The following RBFOX1 variants were observed in gnomAD, a reference collection of about 807,000 sequenced individuals.
RBFOX1 encodes RNA binding fox-1 homolog 1.
Under a neutral mutation model 57.7 loss-of-function variants are expected in RBFOX1, and 8 were observed. The ratio of observed to expected loss-of-function variants is 0.14; its 90% CI spans 0.08 to 0.25. The LOEUF is 0.25. RBFOX1 is among the 10% of genes least tolerant of loss of function. The probability of loss-of-function intolerance (pLI) is 1.00; values close to 1 mark genes in which losing one functional copy is unlikely to be tolerated. For missense variants in RBFOX1, 611 were observed against 548.5 expected, an observed-to-expected ratio of 1.11 and a Z score of -1.14; for synonymous variants, 326 against 222.4, an observed-to-expected ratio of 1.47 and a Z score of -4.15.
chr16:6,864,989 CTTTTTCTTTTTT>C (rs2059654790), intron 3 of RBFOX1, among the ~76,000 whole-genome samples: 5 of 105,800 alleles, frequency 4.7e-5, no homozygotes, highest in East Asian at 3.0e-4. Context: ...GTGGGTTTTT[CTTTTTCTTTTTT>C]TTTTTTTTTT....
chr16:6,001,429 C>T (rs921449407), intron 4 of RBFOX1, among the ~76,000 whole-genome samples: 2 of 152,142 alleles, frequency 1.3e-5, no homozygotes, highest in Admixed American at 6.5e-5. Flanking sequence ...CTTCCATGGG[C>T]CACACATACT....
At chr16:7,587,194 A>T in intron 6 of RBFOX1, 53 bp from the exon 7 acceptor site, 1 of 1,454,442 alleles carries the variant, frequency 6.9e-7, no homozygotes, top group East Asian at 2.5e-5. Flanking sequence ...TGTACATAGT[A>T]ATGTCTACTG....
At chr16:5,491,643 C>T (rs1346612121) in intron 2 of RBFOX1, among the ~76,000 whole-genome samples, 2 of 152,160 alleles carry the variant, frequency 1.3e-5, no homozygotes, top group Non-Finnish European at 2.9e-5. Context: ...TGTTCATGTG[C>T]CTTTCAAACG....
At chr16:7,409,295 C>G (rs763492795) in intron 4 of RBFOX1, among the ~76,000 whole-genome samples, 4 of 152,326 alleles carry the variant, frequency 2.6e-5, no homozygotes, top group African/African-American at 7.2e-5. Flanking sequence ...TAGCTTTGTT[C>G]TGAACCGTTC....
intron 2 of RBFOX1, among the ~76,000 whole-genome samples, chr16:5,592,324 A>G (rs1343827397): frequency 1.3e-5 from 2 of 151,694 alleles, no homozygotes; most frequent in South Asian, 2.1e-4. Flanking sequence ...ATACAATTAT[A>G]TATGCGCAGA....
At chr16:7,547,914 G>A (rs1302421777) in intron 5 of RBFOX1, among the ~76,000 whole-genome samples, 2 of 152,166 alleles carry the variant, frequency 1.3e-5, no homozygotes, top group African/African-American at 4.8e-5. Flanking sequence ...CCGTGTTCCC[G>A]TTTGGCTTTG....
At chr16:7,199,222 G>C (rs2087620189) in intron 4 of RBFOX1, among the ~76,000 whole-genome samples, 1 of 152,164 alleles carries the variant, frequency 6.6e-6, no homozygotes, top group African/African-American at 2.4e-5. Context: ...GACATTTTAA[G>C]GAGCTAAGAG....
chr16:6,218,711 G>A (rs2097352184), intron 1 of RBFOX1, among the ~76,000 whole-genome samples: 1 of 152,136 alleles, frequency 6.6e-6, no homozygotes, highest in Non-Finnish European at 1.5e-5. Flanking sequence ...GAAAATTTGT[G>A]TCCGTGGAAT....
At chr16:5,513,825 C>T (rs2043692753) in intron 2 of RBFOX1, among the ~76,000 whole-genome samples, 1 of 152,000 alleles carries the variant, frequency 6.6e-6, no homozygotes, top group Non-Finnish European at 1.5e-5. Flanking sequence ...ATGTGATCAT[C>T]AGGGCTAGAA....
At chr16:7,680,498 G>A (rs556032883) in intron 14 of RBFOX1, among the ~76,000 whole-genome samples, 12 of 152,168 alleles carry the variant, frequency 7.9e-5, no homozygotes, top group East Asian at 3.9e-4. Context: ...GCCTAGAGAC[G>A]GAAGCAAGAC....
chr16:6,610,521 G>C (rs986467272), intron 2 of RBFOX1, among the ~76,000 whole-genome samples: 1 of 151,946 alleles, frequency 6.6e-6, no homozygotes, highest in Non-Finnish European at 1.5e-5. Flanking sequence ...GTAGAGATGA[G>C]GACTCCCTTT....
rs1271872183 is a variant in RBFOX1 at position 6,991,161 on chromosome 16, A to AAAAAAAAAAAC, written c.-15-60895_-15-60894insAAAAAAAAACA. Among the ~76,000 whole-genome samples, 141 of 139,970 alleles carry AAAAAAAAAAAC rather than the reference A, an allele frequency of 1.0e-3. 11 individuals are homozygous for AAAAAAAAAAAC. The highest frequency in any genetic ancestry group is 2.7e-3 in the East Asian group (12 of 4,424). The allele number at this position is 139,970 out of a possible 152,430, so 91.8% of individuals were successfully genotyped here. On this transcript the variant is annotated intron_variant, in intron 3 of 15. Coordinates refer to ENST00000550418, the MANE Select transcript of RBFOX1 (RefSeq NM_018723.4). ...CAAAAAAAAAAAAAAAAAAAAAAAA[A>AAAAAAAAAAAC]AGACACGGTGGCGTGTACCTTTAGT...
chr16:6,231,951 A>G (rs2097464770), intron 1 of RBFOX1, among the ~76,000 whole-genome samples: 1 of 152,102 alleles, frequency 6.6e-6, no homozygotes, highest in Non-Finnish European at 1.5e-5. Context: ...AAAGGGATCA[A>G]ATAAAGCAAA....
At chr16:6,891,465 T>TAGAGAGAGAGAGAGAG (rs746798605) in intron 3 of RBFOX1, among the ~76,000 whole-genome samples, 4 of 148,452 alleles carry the variant, frequency 2.7e-5, no homozygotes, top group African/African-American at 9.9e-5. Context: ...ACACACACAC[T>TAGAGAGAGAGAGAGAG]AGAGAGAGAG....
rs1280551937 is a variant in RBFOX1 at position 5,253,690 on chromosome 16, G to T, written c.219+13585G>T. ...CATTGCTGAATCTGTTACAGACAGG[G>T]TCTCAATTTCTTGCAAGTCCTGTAT... On this transcript the variant is annotated intron_variant, in intron 1 of 2. Transcript: ENST00000585867. Among the ~76,000 whole-genome samples, 3 of 152,192 alleles carry T rather than the reference G, an allele frequency of 2.0e-5. No homozygotes were observed. In the East Asian group the frequency reaches 5.8e-4, roughly 29 times the overall value.
At chr16:7,134,605 C>T (rs945305519) in intron 4 of RBFOX1, among the ~76,000 whole-genome samples, 3 of 152,176 alleles carry the variant, frequency 2.0e-5, no homozygotes, top group African/African-American at 7.2e-5. Flanking sequence ...TGCCTCCTCT[C>T]CCTTCACCCT....
chr16:6,341,645 A>ATT (rs377152370), intron 2 of RBFOX1, among the ~76,000 whole-genome samples: 5 of 149,074 alleles, frequency 3.4e-5, no homozygotes, highest in African/African-American at 1.2e-4. Context: ...ACATCTTCCC[A>ATT]TTTTTTTTTT....
chr16:5,358,250 G>T (rs2065448233), intron 1 of RBFOX1, among the ~76,000 whole-genome samples: 1 of 150,790 alleles, frequency 6.6e-6, no homozygotes, highest in Non-Finnish European at 1.5e-5. Context: ...CTGTGTCCAA[G>T]CTTCCCCTTT....
At chr16:7,538,742 A>G (rs1252070967) in intron 5 of RBFOX1, among the ~76,000 whole-genome samples, 4 of 152,204 alleles carry the variant, frequency 2.6e-5, no homozygotes, top group Admixed American at 2.6e-4. Context: ...TTAGCTGTAG[A>G]GATCAGCTTG....
Sources: gnomAD v4.1 joint callset for allele counts (sites outside exome capture counted in the v4.1 genomes callset) on GRCh38, gnomAD v4.1.1 for gene constraint, MANE v1.5 for transcripts, NCBI Gene and HGNC (gene_info 2026-07-23, HGNC 2026-07-21) for gene names.